SYT1: variants seen among roughly 807,000 people sequenced by gnomAD.
SYT1 encodes synaptotagmin 1.
Under a neutral mutation model 44.8 loss-of-function variants are expected in SYT1, and 8 were observed. That is an observed-to-expected ratio of 0.18 (90% confidence interval 0.10 to 0.32). The LOEUF is 0.32. SYT1 is among the 10% of genes least tolerant of loss of function. SYT1 has a pLI of 1.00. For missense variants in SYT1, 286 were observed against 509.3 expected (o/e 0.56, Z 4.22); for synonymous variants, 154 against 188.8 (o/e 0.82, Z 1.51).
chr12:79,050,895 G>A (rs1261065309), intron 3 of SYT1, among the ~76,000 whole-genome samples: 2 of 152,036 alleles, frequency 1.3e-5, no homozygotes, highest in South Asian at 2.1e-4. Flanking sequence ...GTGAGTGTGT[G>A]TAATAGTGGC....
chr12:79,115,566 A>G (rs889019167), intron 3 of SYT1, among the ~76,000 whole-genome samples: 1 of 152,136 alleles, frequency 6.6e-6, no homozygotes, highest in Non-Finnish European at 1.5e-5. Context: ...CAAATTTTTA[A>G]CCCCCTTAAG....
At chr12:79,331,801 T>C (rs73352969) in intron 8 of SYT1, among the ~76,000 whole-genome samples, 2,836 of 151,658 alleles carry the variant, frequency 0.019, 88 homozygotes, top group African/African-American at 0.063. Context: ...TAGGATATCA[T>C]ATAATAAAAT....
intron 8 of SYT1, among the ~76,000 whole-genome samples, chr12:79,352,873 T>C (rs187363006): frequency 6.6e-6 from 1 of 152,346 alleles, no homozygotes; most frequent in East Asian, 1.9e-4. Flanking sequence ...TTCAATTTTC[T>C]AGCCTGCTGC....
intron 2 of SYT1, among the ~76,000 whole-genome samples, chr12:78,983,195 A>G (rs1869397830): frequency 6.6e-6 from 1 of 151,882 alleles, no homozygotes; most frequent in Admixed American, 6.6e-5. Context: ...TAACTCTTTT[A>G]AGATTTTCCA....
intron 2 of SYT1, among the ~76,000 whole-genome samples, chr12:79,012,420 GACCATACATAGCACAA>G (rs1043197123): frequency 2.0e-5 from 3 of 152,064 alleles, no homozygotes; most frequent in African/African-American, 7.2e-5. Context: ...CTTACTTTTT[GACCATACATAGCACAA>G]ACCATCTCTT....
chr12:79,207,183 G>C (rs1379928441), intron 3 of SYT1, among the ~76,000 whole-genome samples: 1 of 152,020 alleles, frequency 6.6e-6, no homozygotes, highest in Non-Finnish European at 1.5e-5. Context: ...TGCTGTAGGG[G>C]GTGGTCACAC....
intron 3 of SYT1, among the ~76,000 whole-genome samples, chr12:79,143,275 C>T (rs953295569): frequency 1.4e-4 from 22 of 152,136 alleles, no homozygotes; most frequent in Admixed American, 5.9e-4. Context: ...ATTACCTTTA[C>T]AATTATATAC....
In SYT1 at chr12:79,299,366, T is replaced by C; in HGVS notation, c.643-18T>C. On this transcript the variant is annotated intron_variant, in intron 7 of 10. Transcript: ENST00000261205. The stretch of plus-strand genomic sequence containing the variant: ...ATTTTTGTGACTGGATATTTTATCC[T>C]CATGTCTTTTAATTTAGGTACCATA... 6.2e-7 allele frequency: 1 copy of C among 1,611,314 alleles called. No homozygotes were observed. The highest frequency in any genetic ancestry group is 8.5e-7 in the Non-Finnish European group (1 of 1,178,814).
intron 3 of SYT1, among the ~76,000 whole-genome samples, chr12:79,175,114 G>A (rs913233192): frequency 2.8e-5 from 4 of 144,158 alleles, no homozygotes; most frequent in Admixed American, 7.4e-5. Flanking sequence ...TTATGCTCTG[G>A]GAAACATGAT....
chr12:79,014,542 C>A (rs1447151138), intron 2 of SYT1, among the ~76,000 whole-genome samples: 1 of 151,926 alleles, frequency 6.6e-6, no homozygotes, highest in Non-Finnish European at 1.5e-5. Context: ...GAATGGCAAT[C>A]ATTAAAAAGT....
intron 3 of SYT1, among the ~76,000 whole-genome samples, chr12:79,201,371 A>C (rs893040587): frequency 3.9e-5 from 6 of 152,332 alleles, no homozygotes; most frequent in African/African-American, 1.4e-4. Flanking sequence ...TCTATAAAGA[A>C]AGGCAAACAG....
chr12:78,881,893 C>T (rs978934448), intron 1 of SYT1, among the ~76,000 whole-genome samples: 2 of 151,722 alleles, frequency 1.3e-5, no homozygotes, highest in African/African-American at 4.8e-5. Context: ...TGACTCATCC[C>T]TCAGGCATCT....
At chr12:79,297,081 C>T (rs1287551850) in intron 7 of SYT1, among the ~76,000 whole-genome samples, 1 of 152,160 alleles carries the variant, frequency 6.6e-6, no homozygotes, top group Non-Finnish European at 1.5e-5. Flanking sequence ...TGTTGGCAAA[C>T]ATTCTGGGAT....
chr12:78,941,750 T>G (rs1878388039), intron 1 of SYT1, among the ~76,000 whole-genome samples: 1 of 152,234 alleles, frequency 6.6e-6, no homozygotes, highest in Non-Finnish European at 1.5e-5. Flanking sequence ...TCTTTATAAA[T>G]GCTTCTTCTT....
chr12:79,119,350 G>T (rs574275649), intron 3 of SYT1, among the ~76,000 whole-genome samples: 1 of 152,120 alleles, frequency 6.6e-6, no homozygotes, highest in Non-Finnish European at 1.5e-5. Flanking sequence ...AACAGGCCAA[G>T]CTTCCTAACA....
intron 1 of SYT1, among the ~76,000 whole-genome samples, chr12:78,960,069 T>A (rs1481252995): frequency 3.3e-5 from 5 of 152,214 alleles, no homozygotes; most frequent in Non-Finnish European, 7.3e-5. Context: ...CTTGGTTTTT[T>A]AAAATTTTAC....
intron 9 of SYT1, among the ~76,000 whole-genome samples, chr12:79,398,724 T>G (rs1041426225): frequency 6.6e-6 from 1 of 152,186 alleles, no homozygotes; most frequent in Non-Finnish European, 1.5e-5. Context: ...GATTTATTGA[T>G]GAGGAAAATT....
intron 2 of SYT1, among the ~76,000 whole-genome samples, chr12:78,987,822 A>T (rs1249498394): frequency 6.6e-6 from 1 of 152,052 alleles, no homozygotes; most frequent in Admixed American, 6.6e-5. Flanking sequence ...ATACATCCTA[A>T]CTCATTCTGT....
At chr12:79,424,031 A>C (rs1565951766) in intron 9 of SYT1, among the ~76,000 whole-genome samples, 1 of 151,878 alleles carries the variant, frequency 6.6e-6, no homozygotes, top group Non-Finnish European at 1.5e-5. Context: ...AAATGAGATG[A>C]AGCATCACCT....
Sources: gnomAD v4.1 joint callset for allele counts (sites outside exome capture counted in the v4.1 genomes callset) on GRCh38, gnomAD v4.1.1 for gene constraint, MANE v1.5 for transcripts, NCBI Gene and HGNC (gene_info 2026-07-23, HGNC 2026-07-21) for gene names.